Variants in RFTN1 observed in about 807,000 individuals in gnomAD.
The protein encoded by RFTN1 is raftlin, lipid raft linker 1, also known as raftlin.
A neutral mutation model predicts 46.5 loss-of-function variants in RFTN1; 26 were observed. The ratio of observed to expected loss-of-function variants is 0.56; its 90% CI spans 0.41 to 0.78. The LOEUF (loss-of-function observed/expected upper bound fraction) is 0.78. RFTN1 is among the 30% of genes least tolerant of loss of function. The pLI is 0.00. For missense variants in RFTN1, 693 were observed against 718.7 expected (o/e 0.96, Z 0.41); for synonymous variants, 261 against 284.2 (o/e 0.92, Z 0.82).
chr3:16,495,243 T>A (rs767350603), intron 1 of RFTN1, among the ~76,000 whole-genome samples: 2 of 152,208 alleles, frequency 1.3e-5, no homozygotes, highest in Admixed American at 1.3e-4. Flanking sequence ...ACAGCTGATA[T>A]GTAAAAGGCT....
chr3:16,341,324 A>G lies in RFTN1; in HGVS notation c.1147-14448T>C, dbSNP rs549499123. ...CTTGGTATTTACCCAAATAAGCTGA[A>G]AACTTTTGTCCACACAGAAACCTAC... On this transcript the variant is annotated intron_variant, in intron 7 of 9. Coordinates refer to ENST00000334133, the MANE Select transcript of RFTN1 (RefSeq NM_015150.2). The surrounding 1 kb of genome is among the most constrained non-coding windows in gnomAD (Gnocchi z 4.7). Among the ~76,000 whole-genome samples the G allele has an allele frequency of 6.6e-6, 1 of 152,368 alleles. No individual in the cohort carries two copies. Among genetic ancestry groups the G allele is most frequent in the South Asian group, 2.1e-4 (1 of 4,830 alleles).
chr3:16,490,547 A>G (rs2076524122), intron 2 of RFTN1, among the ~76,000 whole-genome samples: 1 of 152,226 alleles, frequency 6.6e-6, no homozygotes, highest in Non-Finnish European at 1.5e-5. Context: ...CCCCCTAAAG[A>G]GTTGTGCAGA....
chr3:16,337,516 G>A lies in RFTN1; in HGVS notation c.1147-10640C>T, dbSNP rs1244924084. ...CTCTGCACTTTGGGAGGCAGAGGTGGGTGGATCATGAGGTCAGGAGATCGA... is the reference window on the plus strand; with the variant it reads ...CTCTGCACTTTGGGAGGCAGAGGTGAGTGGATCATGAGGTCAGGAGATCGA... On this transcript the variant is annotated intron_variant, in intron 7 of 9. Transcript: ENST00000334133. The surrounding 1 kb of genome is among the most constrained non-coding windows in gnomAD (Gnocchi z 5.0). Among the ~76,000 whole-genome samples the A allele has an allele frequency of 6.6e-6, 1 of 151,990 alleles. No homozygotes were observed. The highest frequency in any genetic ancestry group is 1.5e-5 in the Non-Finnish European group (1 of 67,988).
intron 8 of RFTN1, among the ~76,000 whole-genome samples, chr3:16,324,486 A>G (rs1412928493): frequency 4.6e-5 from 7 of 151,962 alleles, no homozygotes; most frequent in Admixed American, 3.9e-4. Flanking sequence ...CTCTGCTTCT[A>G]TGACTCAACT....
At chr3:16,436,619 G>A (rs1405051872) in intron 2 of RFTN1, among the ~76,000 whole-genome samples, 2 of 151,916 alleles carry the variant, frequency 1.3e-5, no homozygotes, top group Non-Finnish European at 1.5e-5. Context: ...ATCTTTTATC[G>A]ATTTGGAATT....
At chr3:16,394,953 G>C (rs114951998) in intron 4 of RFTN1, among the ~76,000 whole-genome samples, 4,916 of 152,198 alleles carry the variant, frequency 0.032, 106 homozygotes, top group Middle Eastern at 0.065. Flanking sequence ...AACTGTGTTA[G>C]ATAGCCCTGA....
chr3:16,317,381 T>C lies in RFTN1; in HGVS notation c.1333-149A>G. ...CAGCCAGGCAGTACAGGCACCAAAC[T>C]TGAATCGCACACTATCACATCACAC... On this transcript the variant is annotated intron_variant, in intron 9 of 9. Transcript: ENST00000334133. The surrounding 1 kb of genome is among the most constrained non-coding windows in gnomAD (Gnocchi z 4.3). 1 of 750,218 alleles carries C rather than the reference T, an allele frequency of 1.3e-6. No individual in the cohort carries two copies. The highest frequency in any genetic ancestry group is 2.2e-6 in the Non-Finnish European group (1 of 464,784). 46.5% of individuals were successfully genotyped at this position (750,218 alleles called of 1,614,324 possible). A position where few individuals can be genotyped will look rare whatever the true frequency, so the allele number is the denominator to read the frequency against.
Position 16,459,089 on chromosome 3 carries a change from G to C in RFTN1, c.146-25052C>G, listed in dbSNP as rs1199964264. Among the ~76,000 whole-genome samples the C allele has an allele frequency of 6.6e-6, 1 of 152,156 alleles. No individual in the cohort carries two copies. On this transcript the variant is annotated intron_variant, in intron 2 of 9. Transcript: ENST00000334133. The surrounding 1 kb of genome is among the most constrained non-coding windows in gnomAD (Gnocchi z 4.2). ...AGCTGGGACCACAGGTGTGCACCAT[G>C]CCCAGCTAATTTTTTGTATTTTTTG... is the stretch of plus-strand genomic sequence containing the variant.
chr3:16,486,061 G>A (rs896058001), intron 2 of RFTN1, among the ~76,000 whole-genome samples: 1 of 152,150 alleles, frequency 6.6e-6, no homozygotes, highest in Admixed American at 6.5e-5. Flanking sequence ...TGGGGAACTC[G>A]TGTCATCCCA....
intron 1 of RFTN1, among the ~76,000 whole-genome samples, chr3:16,505,026 C>A (rs769349683): frequency 6.6e-6 from 1 of 152,196 alleles, no homozygotes; most frequent in South Asian, 2.1e-4. Context: ...TGGATGCTAT[C>A]CATTCCTCCA....
At chr3:16,511,014 A>G (rs941534640) in intron 1 of RFTN1, among the ~76,000 whole-genome samples, 1 of 152,242 alleles carries the variant, frequency 6.6e-6, no homozygotes, top group African/African-American at 2.4e-5. Context: ...TCTCAAAAAT[A>G]TGGTGAGCTT....
In RFTN1 at chr3:16,334,832, T is replaced by G. The variant is rs2070692837; in HGVS notation, c.1147-7956A>C. On this transcript the variant is annotated intron_variant, in intron 7 of 9. Transcript: ENST00000334133. This position sits in a 1 kb window ranked among gnomAD's most constrained non-coding sequence, Gnocchi z 4.3. Reference sequence around the variant, plus strand: ...TAAGGATCTTGAGATGGAGAGTTTATCCAGGATTATCCAGGTGTGCCCAGT... The same window carrying G: ...TAAGGATCTTGAGATGGAGAGTTTAGCCAGGATTATCCAGGTGTGCCCAGT... 1.3e-5 allele frequency among the ~76,000 whole-genome samples: 2 copies of G among 152,164 alleles called. No homozygotes were observed. Among genetic ancestry groups the G allele is most frequent in the Admixed American group, 6.5e-5 (1 of 15,282 alleles).
At chr3:16,493,922 AT>A in intron 1 of RFTN1, 45 bp from the exon 2 acceptor site, 2 of 1,610,102 alleles carry the variant, frequency 1.2e-6, no homozygotes, top group South Asian at 1.1e-5. Context: ...TTTTTCTGAG[AT>A]TTTGTCTTTA....
At chr3:16,437,350 G>C (rs1205923714) in intron 2 of RFTN1, among the ~76,000 whole-genome samples, 1 of 152,126 alleles carries the variant, frequency 6.6e-6, no homozygotes, top group East Asian at 1.9e-4. Context: ...TCCAGCCATA[G>C]AAGTACTACC....
chr3:16,405,381 T>C (rs1000103320), intron 4 of RFTN1, among the ~76,000 whole-genome samples: 1 of 152,044 alleles, frequency 6.6e-6, no homozygotes, highest in African/African-American at 2.4e-5. Context: ...ATAACTTACA[T>C]AAAGGGCCAA....
At position 16,338,349 on chromosome 3, in the gene RFTN1, C is replaced by T. The variant is rs1311433322; in HGVS notation, c.1147-11473G>A. ...GGCCGGACATGCGGCGGCTAAGGGGCGATGGCTGGGGCCAACTCTGACCCG... is the reference window on the plus strand; with the variant it reads ...GGCCGGACATGCGGCGGCTAAGGGGTGATGGCTGGGGCCAACTCTGACCCG... On this transcript the variant is annotated intron_variant, in intron 7 of 9. Transcript: ENST00000334133. This position sits in a 1 kb window ranked among gnomAD's most constrained non-coding sequence, Gnocchi z 5.3. Among the ~76,000 whole-genome samples the T allele has an allele frequency of 6.6e-6, 1 of 152,212 alleles. No individual in the cohort carries two copies. The highest frequency in any genetic ancestry group is 1.5e-5 in the Non-Finnish European group (1 of 68,036).
Position 16,377,802 on chromosome 3 carries a change from C to T in RFTN1, c.742G>A (p.Glu248Lys), listed in dbSNP as rs34276015. Residue 248 changes from glutamate to lysine, a missense_variant, in exon 5 of 10, where the codon GAA becomes AAA. Physicochemically the swap from Glu to Lys is moderately conservative, Grantham distance 56. Coordinates refer to ENST00000334133, the MANE Select transcript of RFTN1 (RefSeq NM_015150.2). Reference sequence around the variant, plus strand: ...TTGCTCACCCCCTGTGGTGAAAGTTCTCCACCATCTCCCTCTCCGGAGGGT... The same window carrying T: ...TTGCTCACCCCCTGTGGTGAAAGTTTTCCACCATCTCCCTCTCCGGAGGGT... ...SSPSGEGDGG[E>K]LSPQGVSKTL... The T allele has an allele frequency of 0.05, 80,403 of 1,614,178 alleles. 2,605 individuals are homozygous for T. Among genetic ancestry groups the T allele is most frequent in the South Asian group, 0.14 (12,348 of 91,080 alleles).
chr3:16,400,825 C>A lies in RFTN1; in HGVS notation c.441+8550G>T, dbSNP rs1359377589. On this transcript the variant is annotated intron_variant, in intron 4 of 9. Transcript: ENST00000334133. This position sits in a 1 kb window ranked among gnomAD's most constrained non-coding sequence, Gnocchi z 4.5. ...GGAGAGGAACTTCATAAGAAAACAG[C>A]GGCCTCCAGGCAGTAGCTCCTGCAT... Among the ~76,000 whole-genome samples, 2 of 152,074 alleles carry A rather than the reference C, an allele frequency of 1.3e-5. No homozygotes were observed. Among genetic ancestry groups the A allele is most frequent in the East Asian group, 3.9e-4 (2 of 5,184 alleles).
chr3:16,435,852 C>T (rs936355083), intron 2 of RFTN1, among the ~76,000 whole-genome samples: 3 of 150,598 alleles, frequency 2.0e-5, no homozygotes, highest in African/African-American at 7.4e-5. Flanking sequence ...ATCTCATGTA[C>T]CCTATAAATA....
Sources: gnomAD v4.1 joint callset for allele counts (sites outside exome capture counted in the v4.1 genomes callset) on GRCh38, gnomAD v4.1.1 for gene constraint, Gnocchi (gnomAD v3.1) non-coding constraint, MANE v1.5 for transcripts, NCBI Gene and HGNC (gene_info 2026-07-23, HGNC 2026-07-21) for gene names.